The following CSMD1 variants were observed in gnomAD, a reference collection of about 807,000 sequenced individuals.
The protein encoded by CSMD1 is CUB and Sushi multiple domains 1, also known as CUB and sushi domain-containing protein 1.
In CSMD1, 213 loss-of-function variants were observed where a neutral mutation model predicts 417.5. The observed-to-expected ratio is 0.51, with a 90% CI of 0.46 to 0.57. The LOEUF (loss-of-function observed/expected upper bound fraction) is 0.57. Among genes scored for constraint, CSMD1 ranks in the 20% least tolerant of loss-of-function variants. CSMD1 has a pLI of 0.00. For synonymous variants in CSMD1, 2,862 were observed against 1,736.8 expected (o/e 1.65, Z -16.11); for missense variants, 6,923 against 4,529.7 (o/e 1.53, Z -15.17).
intron 3 of CSMD1, among the ~76,000 whole-genome samples, chr8:4,327,679 T>C (rs1046157432): frequency 6.6e-6 from 1 of 152,204 alleles, no homozygotes; most frequent in Non-Finnish European, 1.5e-5. Flanking sequence ...GTTTCTAGAA[T>C]GTATTTTGTT....
At chr8:4,378,663 T>C (rs1472370530) in intron 3 of CSMD1, among the ~76,000 whole-genome samples, 1 of 152,194 alleles carries the variant, frequency 6.6e-6, no homozygotes, top group Non-Finnish European at 1.5e-5. Context: ...GCTGGTTTAA[T>C]CATCCCCTTC....
intron 41 of CSMD1, among the ~76,000 whole-genome samples, chr8:3,140,730 A>G (rs869302211): frequency 7.2e-5 from 11 of 152,054 alleles, no homozygotes; most frequent in African/African-American, 2.4e-4. Context: ...TATATTAAAA[A>G]AAAAAAAAGT....
At chr8:3,994,876 C>T (rs578141144) in intron 5 of CSMD1, among the ~76,000 whole-genome samples, 3 of 152,092 alleles carry the variant, frequency 2.0e-5, no homozygotes, top group Admixed American at 2.0e-4. Flanking sequence ...TCTGAGAGTG[C>T]CCTTGCTTAT....
intron 3 of CSMD1, among the ~76,000 whole-genome samples, chr8:4,220,250 C>A (rs1311422795): frequency 6.6e-6 from 1 of 152,186 alleles, no homozygotes; most frequent in Non-Finnish European, 1.5e-5. Context: ...CATGCCCAGT[C>A]TCAAGATAAC....
chr8:4,043,977 T>C (rs1050475633), intron 3 of CSMD1, among the ~76,000 whole-genome samples: 5 of 152,156 alleles, frequency 3.3e-5, no homozygotes, highest in Non-Finnish European at 7.3e-5. Context: ...TGAAATGCTT[T>C]TAAATGCAAC....
rs1207790639 is a variant in CSMD1, at chr8:2,954,248, TA to T, written c.10014del (p.Asn3339MetfsTer27). 1 of 1,502,188 alleles carries T rather than the reference TA, an allele frequency of 6.7e-7. No homozygotes were observed. Among genetic ancestry groups the T allele is most frequent in the Admixed American group, 2.1e-5 (1 of 48,438 alleles). 93.1% of individuals were successfully genotyped at this position (1,502,188 alleles called of 1,614,324 possible). On this transcript the variant is annotated frameshift_variant, in exon 65 of 70. Coordinates refer to ENST00000635120, the MANE Select transcript of CSMD1 (RefSeq NM_033225.6). LOFTEE classifies it high-confidence loss of function. ...CCTGGAGTTTTAGTAACTGTTTCAT[TA>T]ACTTCTCTCACTCCTTTACCTACAA... The part of the protein sequence containing the change: ...PVCKSKGVRE[V>X]NETVTKTPVP...
At chr8:3,849,595 G>C (rs566872474) in intron 5 of CSMD1, among the ~76,000 whole-genome samples, 14 of 152,268 alleles carry the variant, frequency 9.2e-5, no homozygotes, top group Admixed American at 7.8e-4. Flanking sequence ...CATGGGAAAA[G>C]AACAGTGATT....
At chr8:4,551,923 G>T (rs981158534) in intron 2 of CSMD1, among the ~76,000 whole-genome samples, 5 of 150,336 alleles carry the variant, frequency 3.3e-5, no homozygotes, top group African/African-American at 1.2e-4. Flanking sequence ...CTGGACTCAA[G>T]CAATCTGCCC....
At chr8:4,278,945 C>G (rs1443079370) in intron 3 of CSMD1, among the ~76,000 whole-genome samples, 3 of 152,160 alleles carry the variant, frequency 2.0e-5, no homozygotes, top group African/African-American at 4.8e-5. Flanking sequence ...TTGCCCTTCC[C>G]TGTATTAACA....
At position 3,592,406 on chromosome 8, in the gene CSMD1, G is replaced by C. The variant is rs935986611; in HGVS notation, c.1098-6146C>G. On this transcript the variant is annotated intron_variant, in intron 8 of 69. Coordinates refer to ENST00000635120, the MANE Select transcript of CSMD1 (RefSeq NM_033225.6). ...TTCAGCAAAAAGAAAAAATACATTA[G>C]GTAAAATGTTTTTCAGTCTCAAGCA... 2.0e-5 allele frequency among the ~76,000 whole-genome samples: 3 copies of C among 152,136 alleles called. No individual in the cohort carries two copies. The East Asian group carries it at 5.8e-4, about 29-fold the overall frequency.
At chr8:3,840,117 C>T (rs1234324210) in intron 5 of CSMD1, among the ~76,000 whole-genome samples, 3 of 152,026 alleles carry the variant, frequency 2.0e-5, no homozygotes, top group African/African-American at 7.3e-5. Flanking sequence ...GTTAAAAAGA[C>T]CTATTATGAA....
At chr8:3,596,300 G>C (rs1474528733) in intron 8 of CSMD1, among the ~76,000 whole-genome samples, 1 of 152,128 alleles carries the variant, frequency 6.6e-6, no homozygotes, top group African/African-American at 2.4e-5. Flanking sequence ...TTTACTTCAT[G>C]AACATGCCCA....
At chr8:4,172,268 C>G (rs7014737) in intron 3 of CSMD1, among the ~76,000 whole-genome samples, 3 of 152,092 alleles carry the variant, frequency 2.0e-5, no homozygotes, top group Non-Finnish European at 2.9e-5. Context: ...GTCTGGAATC[C>G]TCTTTGTTTC....
At chr8:4,315,803 C>T (rs1486445863) in intron 3 of CSMD1, among the ~76,000 whole-genome samples, 1 of 151,786 alleles carries the variant, frequency 6.6e-6, no homozygotes, top group African/African-American at 2.4e-5. Context: ...GTAATTCAAA[C>T]TTTTTTTCTT....
chr8:4,302,876 G>A (rs1563418507), intron 3 of CSMD1, among the ~76,000 whole-genome samples: 1 of 152,024 alleles, frequency 6.6e-6, no homozygotes, highest in South Asian at 2.1e-4. Context: ...CAGTTTAAAT[G>A]TTGGCCTCCA....
chr8:4,963,420 G>C (rs867306545), intron 1 of CSMD1, among the ~76,000 whole-genome samples: 1 of 151,924 alleles, frequency 6.6e-6, no homozygotes, highest in African/African-American at 2.4e-5. Context: ...GCTTGGTCTC[G>C]AACTCCTGAC....
intron 69 of CSMD1, among the ~76,000 whole-genome samples, chr8:2,940,829 G>C (rs1280683920): frequency 6.6e-6 from 1 of 152,120 alleles, no homozygotes; most frequent in African/African-American, 2.4e-5. Context: ...CCTTTTCCTT[G>C]GGGTTAATGT....
At chr8:4,030,579 C>G (rs1277132854) in intron 4 of CSMD1, among the ~76,000 whole-genome samples, 2 of 152,290 alleles carry the variant, frequency 1.3e-5, no homozygotes, top group South Asian at 2.1e-4. Flanking sequence ...TTTTATTCTC[C>G]TAGACCTCCA....
intron 12 of CSMD1, among the ~76,000 whole-genome samples, chr8:3,461,451 G>C (rs968579686): frequency 6.6e-6 from 1 of 152,210 alleles, no homozygotes; most frequent in Non-Finnish European, 1.5e-5. Context: ...CATGGGGCCA[G>C]GAACTGAGGA....
Sources: allele counts gnomAD v4.1 joint callset (sites outside exome capture counted in the v4.1 genomes callset), GRCh38; gene constraint gnomAD v4.1.1; transcripts MANE v1.5; gene names NCBI Gene and HGNC (gene_info 2026-07-23, HGNC 2026-07-21).